C2orf76: variants seen among roughly 807,000 people sequenced by gnomAD.
The protein encoded by C2orf76 is chromosome 2 open reading frame 76.
In C2orf76, 23 loss-of-function variants were observed where a neutral mutation model predicts 16.9. The observed-to-expected ratio is 1.36, with a 90% confidence interval of 0.98 to 1.93. C2orf76 has a LOEUF of 1.93. Ranked by LOEUF, C2orf76 falls within the 30% of genes most tolerant of loss-of-function variation. The probability of loss-of-function intolerance (pLI) is 0.00; values close to 1 mark genes in which losing one functional copy is unlikely to be tolerated. For synonymous variants in C2orf76, 48 were observed against 52.3 expected (o/e 0.92, Z 0.35); for missense variants, 152 against 152.6 (o/e 1.00, Z 0.02).
rs201971558 is a variant in C2orf76 at position 119,313,511 on chromosome 2, TC to T, written c.223-1809del. ...CTCAGGAGGCTGAAGCAGGAGGATA[TC>T]TTGATCCTGGGAGGTAGAGGTTGCA... On this transcript the variant is annotated intron_variant, in intron 4 of 5. Transcript: ENST00000334816. Among the ~76,000 whole-genome samples the T allele has an allele frequency of 5.0e-3, 763 of 151,880 alleles. 6 individuals are homozygous for T. The highest frequency in any genetic ancestry group is 0.04 in the South Asian group (194 of 4,796).
the C2orf76 span, among the ~76,000 whole-genome samples, chr2:119,286,709 G>A: frequency 2.6e-5 from 4 of 152,108 alleles, no homozygotes; most frequent in Admixed American, 1.3e-4. Flanking sequence ...CTCTGGCAGC[G>A]GCATGAAGGC....
intron 4 of C2orf76, among the ~76,000 whole-genome samples, chr2:119,312,423 T>C (rs919607914): frequency 3.9e-5 from 6 of 152,092 alleles, no homozygotes; most frequent in African/African-American, 9.7e-5. Context: ...TAATTTTTTT[T>C]ATTTTTAGTA....
intron 1 of C2orf76, among the ~76,000 whole-genome samples, chr2:119,343,577 A>C (rs1286918080): frequency 3.9e-5 from 6 of 152,128 alleles, no homozygotes; most frequent in African/African-American, 1.4e-4. Context: ...GATTTAACTT[A>C]AAGATCAACT....
chr2:119,307,270 T>A (rs1161361402), intron 5 of C2orf76, among the ~76,000 whole-genome samples: 2 of 151,602 alleles, frequency 1.3e-5, no homozygotes, highest in Non-Finnish European at 2.9e-5. Flanking sequence ...TGAAACCCCG[T>A]CTCTACTAAA....
intron 3 of C2orf76, 84 bp from the exon 4 acceptor site, chr2:119,317,587 C>T (rs113231882): frequency 0.024 from 26,178 of 1,079,474 alleles, 677 homozygotes; most frequent in East Asian, 0.13. Context: ...AGGGTGGCTA[C>T]GAAATTGAGA....
In C2orf76 at chr2:119,305,970, C is replaced by T. The variant is rs1396243458; in HGVS notation, c.305-3422G>A. ...AAAAAAAAAAAAACAAAAAAAACCTCGGTCTTTGATAGACTGGGTACATGC... is the reference window on the plus strand; with the variant it reads ...AAAAAAAAAAAAACAAAAAAAACCTTGGTCTTTGATAGACTGGGTACATGC... On this transcript the variant is annotated intron_variant, in intron 5 of 5. Coordinates refer to ENST00000334816, the MANE Select transcript of C2orf76 (RefSeq NM_001322331.2). 6.0e-5 allele frequency among the ~76,000 whole-genome samples: 9 copies of T among 151,156 alleles called. No individual in the cohort carries two copies. The South Asian group carries it at 1.7e-3, about 28-fold the overall frequency.
At chr2:119,330,579 C>A (rs921082169) in intron 2 of C2orf76, among the ~76,000 whole-genome samples, 1 of 151,952 alleles carries the variant, frequency 6.6e-6, no homozygotes, top group African/African-American at 2.4e-5. Flanking sequence ...TGTTGAACTG[C>A]TGGGAAATGT....
At chr2:119,348,369 T>C (rs1185629612) in intron 1 of C2orf76, among the ~76,000 whole-genome samples, 1 of 152,200 alleles carries the variant, frequency 6.6e-6, no homozygotes, top group Non-Finnish European at 1.5e-5. Flanking sequence ...CTTTGAAAGA[T>C]GGCCATGACA....
intron 1 of C2orf76, among the ~76,000 whole-genome samples, chr2:119,353,121 T>A (rs1680456832): frequency 1.3e-5 from 2 of 152,008 alleles, no homozygotes; most frequent in South Asian, 4.1e-4. Context: ...GAGTAAATAA[T>A]CCTTAAGTAC....
At chr2:119,340,937 C>A (rs1680009531) in intron 1 of C2orf76, among the ~76,000 whole-genome samples, 1 of 151,490 alleles carries the variant, frequency 6.6e-6, no homozygotes, top group South Asian at 2.1e-4. Flanking sequence ...GAACTTGCTA[C>A]ACTACCCTGT....
At chr2:119,361,810 C>T (rs1367406349) in intron 1 of C2orf76, among the ~76,000 whole-genome samples, 2 of 151,984 alleles carry the variant, frequency 1.3e-5, no homozygotes, top group African/African-American at 4.8e-5. Flanking sequence ...TTTATAACCG[C>T]ACGTCAATCT....
At chr2:119,318,452 T>A (rs1679245779) in intron 3 of C2orf76, among the ~76,000 whole-genome samples, 1 of 152,144 alleles carries the variant, frequency 6.6e-6, no homozygotes, top group Non-Finnish European at 1.5e-5. Flanking sequence ...TAATACACAA[T>A]AAGGTGGCTA....
At position 119,302,292 on chromosome 2, in the gene C2orf76, C is replaced by A; in HGVS notation, c.*180G>T. ...GTTTTTCTCATAATATATTATTTTACAACAACAAAGAAAAAGAAAGAGAGA... is the reference window on the plus strand; with the variant it reads ...GTTTTTCTCATAATATATTATTTTAAAACAACAAAGAAAAAGAAAGAGAGA... On this transcript the variant is annotated 3_prime_UTR_variant, in exon 6 of 6. Coordinates refer to ENST00000334816, the MANE Select transcript of C2orf76 (RefSeq NM_001322331.2). 2.7e-6 allele frequency: 1 copy of A among 371,350 alleles called. No homozygotes were observed. 23.0% of individuals were successfully genotyped at this position (371,350 alleles called of 1,614,324 possible).
chr2:119,314,614 G>A (rs1047716079), intron 4 of C2orf76, among the ~76,000 whole-genome samples: 5 of 151,834 alleles, frequency 3.3e-5, no homozygotes, highest in East Asian at 3.9e-4. Flanking sequence ...AATTACTATC[G>A]TTTTATAACA....
At chr2:119,338,612 C>G (rs921760876) in intron 2 of C2orf76, among the ~76,000 whole-genome samples, 19 of 152,006 alleles carry the variant, frequency 1.2e-4, no homozygotes, top group Non-Finnish European at 4.4e-5. Flanking sequence ...TGAACCTGCC[C>G]CAGAAAGTCC....
chr2:119,316,873 A>G (rs1199989232), intron 4 of C2orf76, among the ~76,000 whole-genome samples: 1 of 152,222 alleles, frequency 6.6e-6, no homozygotes, highest in Non-Finnish European at 1.5e-5. Flanking sequence ...GTGGCTTCAT[A>G]AAAACGTTAC....
Position 119,316,837 on chromosome 2 carries a change from T to C in C2orf76, c.222+629A>G, listed in dbSNP as rs1258506450. On this transcript the variant is annotated intron_variant, in intron 4 of 5. Transcript: ENST00000334816. ...AAGAAAAAAAGATCACTCTGCTCTG[T>C]CTGTATGATAAACAAATCTTTGACT... 3.3e-5 allele frequency among the ~76,000 whole-genome samples: 5 copies of C among 152,166 alleles called. No homozygotes were observed. The East Asian group carries it at 9.6e-4, about 29-fold the overall frequency.
At chr2:119,287,673 T>C in the C2orf76 span, among the ~76,000 whole-genome samples, 1 of 152,220 alleles carries the variant, frequency 6.6e-6, no homozygotes, top group South Asian at 2.1e-4. Context: ...CTTGAGTTTT[T>C]TTTCATGGCA....
intron 4 of C2orf76, among the ~76,000 whole-genome samples, chr2:119,313,457 G>A (rs1679062863): frequency 6.6e-6 from 1 of 151,888 alleles, no homozygotes; most frequent in Non-Finnish European, 1.5e-5. Flanking sequence ...TTAGCTGGGT[G>A]TGGTGGCACA....
Sources: allele counts gnomAD v4.1 joint callset (sites outside exome capture counted in the v4.1 genomes callset), GRCh38; gene constraint gnomAD v4.1.1; transcripts MANE v1.5; gene names NCBI Gene and HGNC (gene_info 2026-07-23, HGNC 2026-07-21).